RFLNA: variants seen among roughly 807,000 people sequenced by gnomAD.
RFLNA encodes the protein refilin-A.
Under a neutral mutation model 7.8 loss-of-function variants are expected in RFLNA, and 5 were observed. The observed-to-expected ratio is 0.64, with a 90% CI of 0.34 to 1.35. The LOEUF (loss-of-function observed/expected upper bound fraction) is 1.35. Among genes scored for constraint, RFLNA ranks in the 40% most tolerant of loss-of-function variants. The pLI, the probability that RFLNA is intolerant of heterozygous loss-of-function variation, is 0.04. For missense variants in RFLNA, 278 were observed against 305.5 expected (o/e 0.91, Z 0.67); for synonymous variants, 141 against 131.3 (o/e 1.07, Z -0.50).
chr12:124,302,206 G>A (rs1013895964), intron 1 of RFLNA, among the ~76,000 whole-genome samples: 2 of 152,312 alleles, frequency 1.3e-5, no homozygotes, highest in Middle Eastern at 3.4e-3. Flanking sequence ...GACAGTTGCA[G>A]GTACCAGGGT....
chr12:124,293,290 C>T (rs1318776767), upstream of RFLNA, among the ~76,000 whole-genome samples: 1 of 152,116 alleles, frequency 6.6e-6, no homozygotes, highest in Non-Finnish European at 1.5e-5. Context: ...CCACCTTGCC[C>T]GCATCCTGCC....
chr12:124,310,282 C>T (rs2034218688), intron 1 of RFLNA, among the ~76,000 whole-genome samples: 1 of 150,840 alleles, frequency 6.6e-6, no homozygotes, highest in Admixed American at 6.6e-5. Context: ...CCCTGAAGGA[C>T]CCCCGAGTAC....
intron 2 of RFLNA, among the ~76,000 whole-genome samples, chr12:124,312,532 A>G (rs2034264445): frequency 6.6e-6 from 1 of 152,118 alleles, no homozygotes; most frequent in Non-Finnish European, 1.5e-5. Context: ...ACTGGTCTCC[A>G]GCTCCTGGGC....
chr12:124,309,893 G>A (rs144989762), intron 1 of RFLNA, among the ~76,000 whole-genome samples: 2,809 of 152,294 alleles, frequency 0.018, 47 homozygotes, highest in South Asian at 0.052. Context: ...TAGGGGCCAG[G>A]CGTGGTGGCT....
At chr12:124,314,051 T>C (rs775244486) in intron 2 of RFLNA, 141 bp from the exon 3 acceptor site, 26 of 1,136,062 alleles carry the variant, frequency 2.3e-5, no homozygotes, top group Non-Finnish European at 3.2e-5. Context: ...TTTGACCTTC[T>C]TGACCTTGAC....
chr12:124,308,357 G>A (rs2034174177), intron 1 of RFLNA, among the ~76,000 whole-genome samples: 1 of 152,164 alleles, frequency 6.6e-6, no homozygotes, highest in African/African-American at 2.4e-5. Flanking sequence ...CTCATCTCAG[G>A]AGCCTCAATT....
chr12:124,290,164 A>G (rs1255984290), upstream of RFLNA, among the ~76,000 whole-genome samples: 2 of 152,204 alleles, frequency 1.3e-5, no homozygotes, highest in Non-Finnish European at 1.5e-5. The surrounding 1 kb of genome is among the most constrained non-coding windows in gnomAD (Gnocchi z 4.0). Flanking sequence ...GATTTCGCTG[A>G]CACCGCAGTT....
rs1023753314 is a variant in RFLNA at position 124,306,137 on chromosome 12, G to A, written c.208-5681G>A. Among the ~76,000 whole-genome samples the A allele has an allele frequency of 6.6e-6, 1 of 151,976 alleles. No homozygotes were observed. The highest frequency in any genetic ancestry group is 2.1e-4 in the South Asian group (1 of 4,814). ...GGCAGGGGCTGCTTTGCAGGTGTGG[G>A]GTCTCCCCTCCCCATAGTGCAGGGG... is the stretch of plus-strand genomic sequence containing the variant. On this transcript the variant is annotated intron_variant, in intron 1 of 2. Transcript: ENST00000546355. The surrounding 1 kb of genome is among the most constrained non-coding windows in gnomAD (Gnocchi z 5.2).
chr12:124,311,209 T>C (rs554239968), intron 1 of RFLNA, among the ~76,000 whole-genome samples: 4 of 152,248 alleles, frequency 2.6e-5, no homozygotes, highest in East Asian at 3.9e-4. Context: ...CTCAGGGAGA[T>C]GTGGTGCCAT....
At chr12:124,309,734 A>G (rs1021707) in intron 1 of RFLNA, among the ~76,000 whole-genome samples, 37,515 of 151,986 alleles carry the variant, frequency 0.25, 5,033 homozygotes, top group East Asian at 0.39. Flanking sequence ...GTCAGGCAGG[A>G]GGATGCCTCA....
At chr12:124,299,143 A>G (rs774480970) in intron 1 of RFLNA, among the ~76,000 whole-genome samples, 58 of 152,224 alleles carry the variant, frequency 3.8e-4, no homozygotes, top group Non-Finnish European at 1.8e-4. Flanking sequence ...CACACTCCCC[A>G]AATTAGAAAC....
rs950797408 is a variant in RFLNA, at chr12:124,289,335, C to T, written c.-72C>T. ...GGCAAGTTTCCAGCCGGGAAGAAGCCTCTCAGCCGTAGGCGTCTTTGCCCG... is the reference window on the plus strand; with the variant it reads ...GGCAAGTTTCCAGCCGGGAAGAAGCTTCTCAGCCGTAGGCGTCTTTGCCCG... On this transcript the variant is annotated 5_prime_UTR_variant, in exon 1 of 3. Coordinates refer to the RFLNA transcript ENST00000324038. The surrounding 1 kb of genome is among the most constrained non-coding windows in gnomAD (Gnocchi z 5.0). 1 of 152,230 alleles carries T rather than the reference C, an allele frequency of 6.6e-6. No homozygotes were observed. The highest frequency in any genetic ancestry group is 1.5e-5 in the Non-Finnish European group (1 of 68,056). The allele number at this position is 152,230 out of a possible 1,614,324, so 9.4% of individuals were successfully genotyped here. A position where few individuals can be genotyped will look rare whatever the true frequency, so the allele number is the denominator to read the frequency against.
intron 1 of RFLNA, among the ~76,000 whole-genome samples, chr12:124,308,654 T>G (rs1460881871): frequency 1.3e-5 from 2 of 152,196 alleles, no homozygotes; most frequent in African/African-American, 2.4e-5. Context: ...CCCAGGTACC[T>G]CCATCTCTCC....
intron 1 of RFLNA, among the ~76,000 whole-genome samples, chr12:124,301,968 C>T (rs2034046147): frequency 6.6e-6 from 1 of 152,180 alleles, no homozygotes; most frequent in African/African-American, 2.4e-5. Flanking sequence ...GGGCACGCTC[C>T]TCTGGAGGCT....
At position 124,289,385 on chromosome 12, in the gene RFLNA, C is replaced by T. The variant is rs1051471856; in HGVS notation, c.-37+15C>T. On this transcript the variant is annotated intron_variant, in intron 1 of 2. Transcript: ENST00000324038. The surrounding 1 kb of genome is among the most constrained non-coding windows in gnomAD (Gnocchi z 5.0). ...GGAGCTGTGAGGTGAGTCCAGCAGC[C>T]CCACTGTGGAGTGGGAACGGGAGGG... 1 of 152,158 alleles carries T rather than the reference C, an allele frequency of 6.6e-6. No homozygotes were observed. Among genetic ancestry groups the T allele is most frequent in the Non-Finnish European group, 1.5e-5 (1 of 68,042 alleles). 9.4% of individuals were successfully genotyped at this position (152,158 alleles called of 1,614,324 possible). A position where few individuals can be genotyped will look rare whatever the true frequency, so the allele number is the denominator to read the frequency against.
At chr12:124,293,505 G>C (rs2033854992), upstream of RFLNA, among the ~76,000 whole-genome samples, 1 of 152,052 alleles carries the variant, frequency 6.6e-6, no homozygotes, top group Non-Finnish European at 1.5e-5. Context: ...AGTGACAGTA[G>C]TTCAGCCAGT....
upstream of RFLNA, among the ~76,000 whole-genome samples, chr12:124,290,373 T>G (rs1041821522): frequency 6.6e-6 from 1 of 152,118 alleles, no homozygotes; most frequent in Non-Finnish European, 1.5e-5. The surrounding 1 kb of genome is among the most constrained non-coding windows in gnomAD (Gnocchi z 4.0). Context: ...TATTTGTGTG[T>G]TTGTGTATAT....
Position 124,313,572 on chromosome 12 carries a change from G to A in RFLNA, c.318-620G>A, listed in dbSNP as rs1168140154. 3.3e-5 allele frequency among the ~76,000 whole-genome samples: 5 copies of A among 152,136 alleles called. No homozygotes were observed. The South Asian group carries it at 6.2e-4, about 19-fold the overall frequency. ...CGGGCGCCTGTAGTCCCAGCTACTCGGGAGGCTGAGGCAAGAGAATGGCGT... is the reference window on the plus strand; with the variant it reads ...CGGGCGCCTGTAGTCCCAGCTACTCAGGAGGCTGAGGCAAGAGAATGGCGT... On this transcript the variant is annotated intron_variant, in intron 2 of 2. Transcript: ENST00000546355.
chr12:124,312,620 T>C (rs557449507), intron 2 of RFLNA, among the ~76,000 whole-genome samples: 1 of 152,304 alleles, frequency 6.6e-6, no homozygotes, highest in East Asian at 1.9e-4. Flanking sequence ...CCCTGACAGA[T>C]TGTTAGGTAT....
Sources: gnomAD v4.1 joint callset for allele counts (sites outside exome capture counted in the v4.1 genomes callset) on GRCh38, gnomAD v4.1.1 for gene constraint, Gnocchi (gnomAD v3.1) non-coding constraint, MANE v1.5 for transcripts, NCBI Gene and HGNC (gene_info 2026-07-23, HGNC 2026-07-21) for gene names.